IQSEC1: variants seen among roughly 807,000 people sequenced by gnomAD.
The protein encoded by IQSEC1 is IQ motif and SEC7 domain-containing protein 1.
A neutral mutation model predicts 91.0 loss-of-function variants in IQSEC1; 31 were observed. The ratio of observed to expected loss-of-function variants is 0.34; its 90% CI spans 0.26 to 0.46. The LOEUF is 0.46. Among genes scored for constraint, IQSEC1 ranks in the 20% least tolerant of loss-of-function variants. The probability of loss-of-function intolerance (pLI) is 1.00; values close to 1 mark genes in which losing one functional copy is unlikely to be tolerated. For missense variants in IQSEC1, 1,388 were observed against 1,575.6 expected (o/e 0.88, Z 2.02); for synonymous variants, 699 against 662.6 (o/e 1.05, Z -0.84).
intron 1 of IQSEC1, among the ~76,000 whole-genome samples, chr3:13,210,664 C>G (rs1694427011): frequency 1.3e-5 from 2 of 152,310 alleles, no homozygotes; most frequent in East Asian, 3.9e-4. Flanking sequence ...AGTCCACTAA[C>G]AGCCGGGGCT....
chr3:13,038,449 CAATT>C (rs996463246), intron 1 of IQSEC1, among the ~76,000 whole-genome samples: 15 of 151,410 alleles, frequency 9.9e-5, no homozygotes, highest in Non-Finnish European at 1.5e-4. Flanking sequence ...AAAATCAAAA[CAATT>C]AAACTTATGG....
rs559459711 is a variant in IQSEC1, at chr3:12,901,126, C to T, written c.3202G>A (p.Ala1068Thr). The change falls in exon 14 of 14, where the codon GCC becomes ACC. Residue 1068 changes from alanine to threonine, a missense_variant. By Grantham distance (58) the Ala-to-Thr change is moderately conservative (BLOSUM62 0). Around this residue, in one of 2 missense-constraint regions of IQSEC1, gnomAD observed 329 missense variants for 257.8 expected, o/e 1.28. Coordinates refer to ENST00000613206, the MANE Select transcript of IQSEC1 (RefSeq NM_001134382.3). ...YHHGPHGGHP[A>T]YGAHAHGHPP... ...TGGCCGTGGGCATGGGCCCCGTAGG[C>T]TGGGTGGCCCCCATGGGGGCCGTGG... 1,053 of 1,541,926 alleles carry T rather than the reference C, an allele frequency of 6.8e-4. 10 individuals carry two copies. In the African/African-American group the frequency reaches 0.012, roughly 18 times the overall value.
intron 1 of IQSEC1, among the ~76,000 whole-genome samples, chr3:13,169,443 A>G (rs1273380145): frequency 6.6e-6 from 1 of 152,236 alleles, no homozygotes; most frequent in Non-Finnish European, 1.5e-5. Context: ...AATTGGTACC[A>G]GTAGAGTGGG....
chr3:13,039,478 AAT>A (rs1704170898), intron 1 of IQSEC1, among the ~76,000 whole-genome samples: 1 of 152,238 alleles, frequency 6.6e-6, no homozygotes, highest in Non-Finnish European at 1.5e-5. Context: ...TAAACAACGG[AAT>A]ATGGCATCAG....
chr3:13,112,067 T>TGGTGG (rs1706256137), intron 2 of IQSEC1, among the ~76,000 whole-genome samples: 1 of 152,166 alleles, frequency 6.6e-6, no homozygotes. Context: ...GCTGTTCCCC[T>TGGTGG]GGTGGGCTGC....
rs765339914 is a variant in IQSEC1, at chr3:12,911,660, G to A, written c.2385C>T (p.Tyr795=). The change falls in exon 10 of 14, where the codon TAC becomes TAT. Residue 795 remains tyrosine (Y), a synonymous_variant. Coordinates refer to ENST00000613206, the MANE Select transcript of IQSEC1 (RefSeq NM_001134382.3). ...TYSFRQSFSL[Y]GMQVLLFENQ... ...TCTCGAAGAGCAGGACCTGCATGCC[G>A]TACAAGGAGAAGGACTGTCGGAAGC... The A allele has an allele frequency of 8.1e-6, 13 of 1,613,750 alleles. No individual in the cohort carries two copies. Among genetic ancestry groups the A allele is most frequent in the African/African-American group, 4.0e-5 (3 of 74,938 alleles).
intron 1 of IQSEC1, among the ~76,000 whole-genome samples, chr3:13,035,613 T>C (rs1054722043): frequency 1.3e-5 from 2 of 152,210 alleles, no homozygotes; most frequent in Non-Finnish European, 1.5e-5. Context: ...TGCTGAGGGT[T>C]AGAGCGGAGA....
intron 13 of IQSEC1, 103 bp downstream of exon 13, chr3:12,902,670 C>CAAAAAAAAAAAAAAAAAAAAAAAACAA (rs1694481032): frequency 1.5e-4 from 29 of 192,618 alleles, no homozygotes; most frequent in African/African-American, 5.4e-4. Flanking sequence ...AAAAAAAAAC[C>CAAAAAAAAAAAAAAAAAAAAAAAACAA]AAAAAAAAAA....
chr3:13,217,029 C>T (rs762433928), intron 1 of IQSEC1, among the ~76,000 whole-genome samples: 7 of 152,022 alleles, frequency 4.6e-5, no homozygotes, highest in African/African-American at 1.7e-4. Context: ...GGAGAAGAGC[C>T]CTGAAGGACA....
chr3:13,204,269 G>T (rs1030671947), intron 1 of IQSEC1, among the ~76,000 whole-genome samples: 1 of 152,266 alleles, frequency 6.6e-6, no homozygotes, highest in African/African-American at 2.4e-5. Context: ...CAGCGCGGGC[G>T]CCAGCGCCAG....
intron 1 of IQSEC1, among the ~76,000 whole-genome samples, chr3:13,169,620 A>G (rs993487556): frequency 1.3e-5 from 2 of 152,244 alleles, no homozygotes; most frequent in African/African-American, 4.8e-5. Flanking sequence ...AGCAATATGG[A>G]CAACAAAGTC....
intron 2 of IQSEC1, among the ~76,000 whole-genome samples, chr3:13,137,051 G>A (rs183279642): frequency 2.0e-5 from 3 of 152,258 alleles, no homozygotes; most frequent in East Asian, 1.9e-4. Context: ...CAGGAGGATC[G>A]CTTTAGCCCA....
intron 1 of IQSEC1, among the ~76,000 whole-genome samples, chr3:13,228,197 C>T (rs192715276): frequency 1.3e-3 from 195 of 152,240 alleles, no homozygotes; most frequent in Admixed American, 0.011. Flanking sequence ...CAGCTGATGA[C>T]GCGAGCTAAG....
intron 1 of IQSEC1, among the ~76,000 whole-genome samples, chr3:13,249,921 G>A (rs1695166679): frequency 6.6e-6 from 1 of 152,262 alleles, no homozygotes; most frequent in South Asian, 2.1e-4. Context: ...AGATGCCCAA[G>A]GGCTGGTGAT....
chr3:13,031,977 C>T (rs1026295281), intron 1 of IQSEC1, among the ~76,000 whole-genome samples: 2 of 152,236 alleles, frequency 1.3e-5, no homozygotes, highest in South Asian at 2.1e-4. Flanking sequence ...TGCGGACCCA[C>T]AGAAAAGTTG....
intron 1 of IQSEC1, among the ~76,000 whole-genome samples, chr3:13,038,519 G>A (rs1479049971): frequency 6.6e-6 from 1 of 151,870 alleles, no homozygotes; most frequent in Non-Finnish European, 1.5e-5. Flanking sequence ...GGACAGAGGG[G>A]GAGGTAGGTA....
intron 1 of IQSEC1, among the ~76,000 whole-genome samples, chr3:13,164,372 C>T (rs546806875): frequency 5.3e-5 from 8 of 152,330 alleles, no homozygotes; most frequent in South Asian, 4.1e-4. Flanking sequence ...CCACCCTCTT[C>T]CTGTTTCCAT....
intron 1 of IQSEC1, among the ~76,000 whole-genome samples, chr3:13,172,919 T>G (rs1693646969): frequency 6.6e-6 from 1 of 152,180 alleles, no homozygotes; most frequent in South Asian, 2.1e-4. Context: ...AGGGTGGTTC[T>G]CTCTCACTCC....
chr3:13,001,861 C>A lies in IQSEC1; in HGVS notation c.24-59996G>T, dbSNP rs545275357. Reference sequence around the variant, plus strand: ...ATCACCTGAGGTCAGGAGTTCCAGACCAGTCTGGCCAACAAGGTGAAAACC... The same window carrying A: ...ATCACCTGAGGTCAGGAGTTCCAGAACAGTCTGGCCAACAAGGTGAAAACC... On this transcript the variant is annotated intron_variant, in intron 1 of 13. Coordinates refer to ENST00000613206, the MANE Select transcript of IQSEC1 (RefSeq NM_001134382.3). Among the ~76,000 whole-genome samples, 30 of 152,190 alleles carry A rather than the reference C, an allele frequency of 2.0e-4. No homozygotes were observed. The South Asian group carries it at 6.0e-3, about 30-fold the overall frequency.
Sources: allele counts gnomAD v4.1 joint callset (sites outside exome capture counted in the v4.1 genomes callset), GRCh38; gene constraint gnomAD v4.1.1; regional missense constraint gnomAD v4.1.1; transcripts MANE v1.5; gene names NCBI Gene and HGNC (gene_info 2026-07-23, HGNC 2026-07-21).